LETMD1: variants seen among roughly 807,000 people sequenced by gnomAD.
LETMD1 encodes LETM1 domain-containing protein 1.
Under a neutral mutation model 43.9 loss-of-function variants are expected in LETMD1, and 30 were observed. That is an observed-to-expected ratio of 0.68 (90% confidence interval 0.51 to 0.93). The LOEUF (loss-of-function observed/expected upper bound fraction) is 0.93. LETMD1 is among the 40% of genes least tolerant of loss of function. The probability of loss-of-function intolerance (pLI) is 0.00; values close to 1 mark genes in which losing one functional copy is unlikely to be tolerated. For synonymous variants in LETMD1, 176 were observed against 163.1 expected (o/e 1.08, Z -0.60); for missense variants, 413 against 447.7 (o/e 0.92, Z 0.70).
chr12:51,054,412 G>C (rs1359509601), intron 4 of LETMD1, among the ~76,000 whole-genome samples: 1 of 152,186 alleles, frequency 6.6e-6, no homozygotes, highest in Non-Finnish European at 1.5e-5. Flanking sequence ...AGGGTTGACA[G>C]AGGTCCCTTA....
At position 51,051,921 on chromosome 12, in the gene LETMD1, G is replaced by A. The variant is rs114353286; in HGVS notation, c.275-171G>A. Among the ~76,000 whole-genome samples, 922 of 152,290 alleles carry A rather than the reference G, an allele frequency of 6.1e-3. 6 individuals carry two copies. Among genetic ancestry groups the A allele is most frequent in the African/African-American group, 0.02 (815 of 41,562 alleles). On this transcript the variant is annotated intron_variant, in intron 2 of 8. Coordinates refer to ENST00000262055, the MANE Select transcript of LETMD1 (RefSeq NM_015416.5). ...GATGTGCTAGGGGAAAAAATGTTGA[G>A]AAAAGAGATTCGAGTTGACCTCAGG...
At chr12:51,060,464 A>G (rs1257726946), downstream of LETMD1, 1 of 152,224 alleles carries the variant, frequency 6.6e-6, no homozygotes, top group East Asian at 1.9e-4. Context: ...TCCTTTTACA[A>G]GACTGACATA....
At position 51,059,557 on chromosome 12, in the gene LETMD1, G is replaced by A; in HGVS notation, c.*126G>A. On this transcript the variant is annotated 3_prime_UTR_variant, in exon 9 of 9. Transcript: ENST00000262055. ...GTGGGAGGCAGAGAGAGGAGCAGGG[G>A]CCATGGGCTTCACAGCATGGCACAC... 2 of 812,612 alleles carry A rather than the reference G, an allele frequency of 2.5e-6. No homozygotes were observed. Among genetic ancestry groups the A allele is most frequent in the East Asian group, 2.6e-5 (1 of 38,518 alleles). The allele number at this position is 812,612 out of a possible 1,614,324, so 50.3% of individuals were successfully genotyped here. A position where few individuals can be genotyped will look rare whatever the true frequency, so the allele number is the denominator to read the frequency against.
intron 2 of LETMD1, 68 bp downstream of exon 2, chr12:51,049,253 T>G: frequency 7.2e-7 from 1 of 1,394,582 alleles, no homozygotes; most frequent in South Asian, 1.4e-5. Flanking sequence ...TTAGCATAAA[T>G]AAGATCATTT....
In LETMD1 at chr12:51,053,879, C is replaced by G. The variant is rs749237554; in HGVS notation, c.473+19C>G. Reference sequence around the variant, plus strand: ...TGCTAATGTGAGTACAGACTTCCATCTCCCCAACATCTTGAAGATGTATCA... The same window carrying G: ...TGCTAATGTGAGTACAGACTTCCATGTCCCCAACATCTTGAAGATGTATCA... On this transcript the variant is annotated intron_variant, in intron 4 of 8. Coordinates refer to ENST00000262055, the MANE Select transcript of LETMD1 (RefSeq NM_015416.5). 6.7e-7 allele frequency: 1 copy of G among 1,500,858 alleles called. No homozygotes were observed. The highest frequency in any genetic ancestry group is 9.2e-7 in the Non-Finnish European group (1 of 1,085,748). 93.0% of individuals were successfully genotyped at this position (1,500,858 alleles called of 1,614,324 possible). A position where few individuals can be genotyped will look rare whatever the true frequency, so the allele number is the denominator to read the frequency against.
At position 51,048,465 on chromosome 12, in the gene LETMD1, T is replaced by TG. The variant is rs1566076595; in HGVS notation, c.115dup (p.Ala39GlyfsTer30). 2 of 1,613,650 alleles carry TG rather than the reference T, an allele frequency of 1.2e-6. No homozygotes were observed. The highest frequency in any genetic ancestry group is 2.2e-5 in the East Asian group (1 of 44,866). On this transcript the variant is annotated frameshift_variant, in exon 1 of 9. Transcript: ENST00000262055. LOFTEE classifies it high-confidence loss of function. ...GCAACTTGGTCGCTCTGGCCTGGCT[T>TG]GGGGGGCCCCTCGGTGAGGGACCTG...
At chr12:51,062,800 G>A (rs1937708611), downstream of LETMD1, 1 of 152,382 alleles carries the variant, frequency 6.6e-6, no homozygotes, top group African/African-American at 2.4e-5. Flanking sequence ...CACAAAGAGG[G>A]AAAAACCTGG....
the LETMD1 span, chr12:51,067,557 G>GTTCCACA: frequency 3.2e-6 from 3 of 945,574 alleles, no homozygotes; most frequent in Non-Finnish European, 4.8e-6. The surrounding 1 kb of genome is among the most constrained non-coding windows in gnomAD (Gnocchi z 4.1). Context: ...GAACTGGAGA[G>GTTCCACA]TGTTCACAAC....
chr12:51,051,468 G>C (rs949740769), intron 2 of LETMD1, among the ~76,000 whole-genome samples: 1 of 151,974 alleles, frequency 6.6e-6, no homozygotes, highest in African/African-American at 2.4e-5. Context: ...AGCACTTTGG[G>C]AGGCCGAGGC....
intron 2 of LETMD1, among the ~76,000 whole-genome samples, chr12:51,050,736 G>A (rs970666514): frequency 6.6e-6 from 1 of 151,810 alleles, no homozygotes; most frequent in African/African-American, 2.4e-5. Flanking sequence ...GCAAGAAGCC[G>A]GGCGCGGTGG....
At chr12:51,056,096 A>T (rs757091847) in intron 5 of LETMD1, 48 bp from the exon 6 acceptor site, 2 of 1,606,698 alleles carry the variant, frequency 1.2e-6, no homozygotes, top group Non-Finnish European at 1.7e-6. Context: ...AGGTAAGAGG[A>T]GTAGTCAGGA....
At chr12:51,057,540 T>C (rs1592689006) in intron 7 of LETMD1, 1 of 178,806 alleles carries the variant, frequency 5.6e-6, no homozygotes, top group East Asian at 1.4e-4. Context: ...TTTTAGCTTA[T>C]ATAGGACTCT....
intron 2 of LETMD1, 58 bp from the exon 3 acceptor site, chr12:51,052,034 G>A (rs1317118797): frequency 1.3e-6 from 2 of 1,493,886 alleles, no homozygotes; most frequent in African/African-American, 2.8e-5. Flanking sequence ...GTAGGAAGCT[G>A]TGGTTAAGAT....
chr12:51,059,642 G>C lies in LETMD1; in HGVS notation c.*211G>C. On this transcript the variant is annotated 3_prime_UTR_variant, in exon 9 of 9. Coordinates refer to ENST00000262055, the MANE Select transcript of LETMD1 (RefSeq NM_015416.5). ...AACTGAAACAAACCCTCTTGCTAGG[G>C]GTGGTCCGTGTGAGGTGTCATCCTG... is the stretch of plus-strand genomic sequence containing the variant. 1 of 570,480 alleles carries C rather than the reference G, an allele frequency of 1.8e-6. No individual in the cohort carries two copies. The highest frequency in any genetic ancestry group is 1.9e-5 in the African/African-American group (1 of 53,728). 35.3% of individuals were successfully genotyped at this position (570,480 alleles called of 1,614,324 possible).
intron 8 of LETMD1, 114 bp downstream of exon 8, chr12:51,058,242 C>G (rs564996619): frequency 7.1e-6 from 5 of 705,874 alleles, no homozygotes; most frequent in Non-Finnish European, 1.3e-5. Context: ...ATACATACAT[C>G]TAATTGAAAG....
rs1948585130 is a variant in LETMD1, at chr12:51,059,285, C to T, written c.1013-76C>T. 1.1e-5 allele frequency: 15 copies of T among 1,342,624 alleles called. No individual in the cohort carries two copies. The South Asian group carries it at 1.4e-4, about 13-fold the overall frequency. 83.2% of individuals were successfully genotyped at this position (1,342,624 alleles called of 1,614,324 possible). A position where few individuals can be genotyped will look rare whatever the true frequency, so the allele number is the denominator to read the frequency against. On this transcript the variant is annotated intron_variant, in intron 8 of 8. Transcript: ENST00000262055. ...CCTCCCTGCACTTGGCTTCCTGCCTCCAGGCTTAAGCCATATATAACAAGG... is the reference window on the plus strand; with the variant it reads ...CCTCCCTGCACTTGGCTTCCTGCCTTCAGGCTTAAGCCATATATAACAAGG...
intron 7 of LETMD1, chr12:51,057,027 T>G (rs1947928315): frequency 6.5e-6 from 1 of 154,654 alleles, no homozygotes; most frequent in Non-Finnish European, 1.4e-5. Context: ...CTTGGCCTCC[T>G]AAAGTGCTGG....
At chr12:51,068,417 G>A in the LETMD1 span, among the ~76,000 whole-genome samples, 2 of 152,190 alleles carry the variant, frequency 1.3e-5, no homozygotes, top group African/African-American at 4.8e-5. Context: ...CTCCCAAAGT[G>A]CTGGGGTCCA....
chr12:51,053,440 T>G (rs1040808234), intron 3 of LETMD1, among the ~76,000 whole-genome samples: 6 of 152,180 alleles, frequency 3.9e-5, no homozygotes, highest in African/African-American at 1.4e-4. Flanking sequence ...GTCAGGAGAT[T>G]GATACCAGCT....
Sources: allele counts gnomAD v4.1 joint callset (sites outside exome capture counted in the v4.1 genomes callset), GRCh38; gene constraint gnomAD v4.1.1; non-coding constraint Gnocchi (gnomAD v3.1); transcripts MANE v1.5; gene names NCBI Gene and HGNC (gene_info 2026-07-23, HGNC 2026-07-21).